FRY: variants seen among roughly 807,000 people sequenced by gnomAD.
FRY encodes FRY microtubule binding protein.
In FRY, 128 loss-of-function variants were observed where a neutral mutation model predicts 348.4. That is an observed-to-expected ratio of 0.37 (90% confidence interval 0.32 to 0.43). The LOEUF is 0.43. FRY is among the 20% of genes least tolerant of loss of function. The pLI, the probability that FRY is intolerant of heterozygous loss-of-function variation, is 1.00. For missense variants in FRY, 2,736 were observed against 3,695.2 expected (o/e 0.74, Z 6.73); for synonymous variants, 1,370 against 1,374.7 (o/e 1.00, Z 0.08).
intron 2 of FRY, among the ~76,000 whole-genome samples, chr13:32,093,865 TATTCA>T: frequency 6.6e-6 from 1 of 152,200 alleles, no homozygotes; most frequent in East Asian, 1.9e-4. Context: ...AAAATAAACA[TATTCA>T]ATTCAATTCA....
chr13:32,122,370 G>A (rs748494047), intron 4 of FRY, among the ~76,000 whole-genome samples: 28 of 151,722 alleles, frequency 1.8e-4, no homozygotes, highest in Non-Finnish European at 2.9e-4. Flanking sequence ...GTGAACCCGG[G>A]AGGCGGAGCT....
intron 1 of FRY, among the ~76,000 whole-genome samples, chr13:32,045,912 A>G (rs1271912950): frequency 6.6e-6 from 1 of 152,240 alleles, no homozygotes; most frequent in Non-Finnish European, 1.5e-5. Flanking sequence ...AGTTAAGACC[A>G]AAAGCTAAGT....
At chr13:32,233,986 G>T (rs969059660) in intron 41 of FRY, among the ~76,000 whole-genome samples, 3 of 151,972 alleles carry the variant, frequency 2.0e-5, no homozygotes, top group African/African-American at 7.2e-5. Context: ...TTCAGAATTT[G>T]TTTTTATTTT....
At chr13:32,292,742 A>G (rs1889435375) in intron 59 of FRY, among the ~76,000 whole-genome samples, 1 of 152,034 alleles carries the variant, frequency 6.6e-6, no homozygotes, top group South Asian at 2.1e-4. Flanking sequence ...CAGTGAGCTG[A>G]GATCATGTCA....
intron 11 of FRY, among the ~76,000 whole-genome samples, chr13:32,145,480 A>G (rs1182257950): frequency 4.0e-5 from 6 of 150,774 alleles, no homozygotes; most frequent in Admixed American, 4.0e-4. Flanking sequence ...GGAGGAATGA[A>G]GTGTCCACAG....
At chr13:32,079,335 A>C (rs1593588981) in intron 2 of FRY, among the ~76,000 whole-genome samples, 2 of 152,264 alleles carry the variant, frequency 1.3e-5, no homozygotes, top group Non-Finnish European at 2.9e-5. Flanking sequence ...CAATCACAGA[A>C]AAATTGTGTT....
In FRY at chr13:32,239,870, T is replaced by C. The variant is rs747591832; in HGVS notation, c.6676T>C (p.Tyr2226His). 1 of 1,613,680 alleles carries C rather than the reference T, an allele frequency of 6.2e-7. No homozygotes were observed. The highest frequency in any genetic ancestry group is 1.1e-5 in the South Asian group (1 of 91,034). The part of the protein sequence containing the change: ...YADITLNMVT[Y>H]LAELLEKGLP... ...TGACATTACCTTGAATATGGTTACCTACCTGGCAGAGGTAAGCTTTTTTTT... is the reference window on the plus strand; with the variant it reads ...TGACATTACCTTGAATATGGTTACCCACCTGGCAGAGGTAAGCTTTTTTTT... The change falls in exon 46 of 61, where the codon TAC (tyrosine) becomes CAC (histidine). Residue 2226 changes from tyrosine (Y) to histidine (H), a missense_variant. Tyr to His is a moderately conservative substitution (Grantham distance 83). Coordinates refer to ENST00000542859, the MANE Select transcript of FRY (RefSeq NM_023037.3). This position sits in a 1 kb window ranked among gnomAD's most constrained non-coding sequence, Gnocchi z 4.3.
chr13:32,190,102 C>G (rs1182356398), intron 28 of FRY, among the ~76,000 whole-genome samples: 1 of 151,356 alleles, frequency 6.6e-6, no homozygotes, highest in South Asian at 2.1e-4. Flanking sequence ...TACATTTATT[C>G]ATGAGAAAAA....
chr13:32,115,801 G>A (rs1483314607), intron 3 of FRY, among the ~76,000 whole-genome samples: 2 of 151,256 alleles, frequency 1.3e-5, no homozygotes, highest in Non-Finnish European at 2.9e-5. Flanking sequence ...TCTCCCTCTA[G>A]TGATCTGACC....
At chr13:32,163,803 G>C (rs1442448008) in intron 17 of FRY, among the ~76,000 whole-genome samples, 1 of 152,220 alleles carries the variant, frequency 6.6e-6, no homozygotes, top group East Asian at 1.9e-4. Flanking sequence ...TGGTTGGAAT[G>C]CTAGTGCTAT....
Position 32,212,289 on chromosome 13 carries a change from C to T in FRY, c.4592-3C>T, listed in dbSNP as rs1020195850. ...AGTGTTTTTCTTCCATTCCCATCTA[C>T]AGGAACCACCTCTAGCAGCAATACA... On this transcript the variant is annotated splice_polypyrimidine_tract_variant and splice_region_variant and intron_variant, in intron 34 of 60. Transcript: ENST00000542859. 1 of 1,589,012 alleles carries T rather than the reference C, an allele frequency of 6.3e-7. No individual in the cohort carries two copies. Among genetic ancestry groups the T allele is most frequent in the Non-Finnish European group, 8.6e-7 (1 of 1,158,556 alleles).
intron 27 of FRY, 106 bp downstream of exon 27, chr13:32,186,526 A>G: frequency 1.3e-6 from 1 of 780,988 alleles, no homozygotes; most frequent in Non-Finnish European, 2.2e-6. Flanking sequence ...ATACAATATC[A>G]TAGAATAAAA....
intron 58 of FRY, 71 bp from the exon 59 acceptor site, chr13:32,289,562 G>A (rs969586412): frequency 1.1e-6 from 1 of 938,182 alleles, no homozygotes. Context: ...TGTCTCCATT[G>A]AGATTTCACT....
In FRY at chr13:32,236,169, C is replaced by T. The variant is rs1461890486; in HGVS notation, c.5807C>T (p.Ser1936Phe). The change falls in exon 43 of 61, where the codon TCC becomes TTC. Residue 1936 changes from serine (S) to phenylalanine (F), a missense_variant. Ser to Phe is a radical substitution (Grantham distance 155, BLOSUM62 -2). This residue lies in a region of FRY where 794 missense variants were observed against 977.0 expected (regional missense o/e 0.81). Coordinates refer to ENST00000542859, the MANE Select transcript of FRY (RefSeq NM_023037.3). ...LKNSDLLTVL[S>F]RSSSPDLSSS... ...AACAGTGACCTCCTAACTGTATTGTCCCGGTGAGAATCAGCTTAATGATAC... is the reference window on the plus strand; with the variant it reads ...AACAGTGACCTCCTAACTGTATTGTTCCGGTGAGAATCAGCTTAATGATAC... 1 of 1,604,982 alleles carries T rather than the reference C, an allele frequency of 6.2e-7. No individual in the cohort carries two copies. The highest frequency in any genetic ancestry group is 1.7e-5 in the Admixed American group (1 of 59,982).
chr13:32,090,238 C>G (rs1288800253), intron 2 of FRY, among the ~76,000 whole-genome samples: 9 of 150,590 alleles, frequency 6.0e-5, no homozygotes, highest in Non-Finnish European at 1.0e-4. Context: ...GTCCCAGCTA[C>G]TCGGGAGGCT....
intron 14 of FRY, among the ~76,000 whole-genome samples, chr13:32,150,659 GGAAGAAAGA>G (rs1880736625): frequency 6.6e-6 from 1 of 152,116 alleles, no homozygotes; most frequent in African/African-American, 2.4e-5. Context: ...AAAAAGGGAA[GGAAGAAAGA>G]GAGAGAGAGG....
intron 46 of FRY, 124 bp downstream of exon 46, chr13:32,240,005 GCCA>G (rs1468777214): frequency 2.7e-6 from 2 of 741,104 alleles, no homozygotes; most frequent in Non-Finnish European, 4.5e-6. Context: ...ACAGGCGTGG[GCCA>G]CCATTCCCTG....
Position 32,194,277 on chromosome 13 carries a change from A to G in FRY, c.3726A>G (p.Ile1242Met), listed in dbSNP as rs368824730. The change falls in exon 29 of 61, where the codon ATA (isoleucine) becomes ATG (methionine). Residue 1242 changes from isoleucine (I) to methionine (M), a missense_variant. Transcript: ENST00000542859. ...YQLASGCFKA[I>M]ATVCGSRNYP... is the part of the protein sequence containing the mutation. Reference sequence around the variant, plus strand: ...TTGCATCTGGCTGCTTCAAAGCCATAGCAACTGTGTGTGGAAGCAGGTACG... The same window carrying G: ...TTGCATCTGGCTGCTTCAAAGCCATGGCAACTGTGTGTGGAAGCAGGTACG... 4 of 1,614,092 alleles carry G rather than the reference A, an allele frequency of 2.5e-6. No homozygotes were observed. The highest frequency in any genetic ancestry group is 1.1e-5 in the South Asian group (1 of 91,090).
At chr13:32,123,242 A>C (rs1367400594) in intron 4 of FRY, among the ~76,000 whole-genome samples, 2 of 152,230 alleles carry the variant, frequency 1.3e-5, no homozygotes, top group Non-Finnish European at 2.9e-5. Context: ...AAGCATGACT[A>C]AGCAAAAAGA....
Sources: allele counts gnomAD v4.1 joint callset (sites outside exome capture counted in the v4.1 genomes callset), GRCh38; gene constraint gnomAD v4.1.1; regional missense constraint gnomAD v4.1.1; non-coding constraint Gnocchi (gnomAD v3.1); transcripts MANE v1.5; gene names NCBI Gene and HGNC (gene_info 2026-07-23, HGNC 2026-07-21).